Variants in PDK2 observed in about 807,000 individuals in gnomAD.
PDK2 encodes pyruvate dehydrogenase kinase, isozyme 2.
A neutral mutation model predicts 50.4 loss-of-function variants in PDK2; 34 were observed. The observed-to-expected ratio is 0.68, with a 90% CI of 0.51 to 0.90. The LOEUF (loss-of-function observed/expected upper bound fraction) is 0.90, where lower values mean the gene tolerates loss of function less well. PDK2 is among the 40% of genes least tolerant of loss of function. The probability of loss-of-function intolerance (pLI) is 0.00; values close to 1 mark genes in which losing one functional copy is unlikely to be tolerated. For synonymous variants in PDK2, 232 were observed against 216.0 expected (o/e 1.07, Z -0.65); for missense variants, 377 against 544.5 (o/e 0.69, Z 3.06).
intron 1 of PDK2, chr17:50,096,072 G>T: frequency 1.0e-6 from 1 of 971,298 alleles, no homozygotes; most frequent in Non-Finnish European, 1.2e-6. Flanking sequence ...TGGGGAAGGG[G>T]GCTCTTTCAG....
intron 1 of PDK2, chr17:50,095,870 C>A: frequency 1.1e-6 from 1 of 923,834 alleles, no homozygotes; most frequent in Non-Finnish European, 1.4e-6. Context: ...TATCCAGACG[C>A]GAAAGGGTTA....
At chr17:50,097,369 C>T in intron 1 of PDK2, 54 bp from the exon 2 acceptor site, 1 of 1,594,072 alleles carries the variant, frequency 6.3e-7, no homozygotes, top group South Asian at 1.1e-5. Flanking sequence ...GCCGAGACAT[C>T]CTTTGGCTTT....
intron 2 of PDK2, among the ~76,000 whole-genome samples, chr17:50,103,297 G>A (rs1030400902): frequency 3.3e-5 from 5 of 152,128 alleles, no homozygotes; most frequent in Non-Finnish European, 5.9e-5. Flanking sequence ...TGAGCTCTGG[G>A]CCTGAGACAG....
rs757987478 is a variant in PDK2, at chr17:50,108,702, A to G, written c.952A>G (p.Thr318Ala). ...CACAGCACCCACCCCCCAGCCTGGCACCGGGGGAACGCCGCTGGTGAGATG... is the reference window on the plus strand; with the variant it reads ...CACAGCACCCACCCCCCAGCCTGGCGCCGGGGGAACGCCGCTGGTGAGATG... ...YSTAPTPQPGTGGTPLAGFGY... is the reference protein window; with the variant it reads ...YSTAPTPQPGAGGTPLAGFGY... Residue 318 changes from threonine to alanine, a missense_variant, in exon 9 of 11, where the codon ACC (threonine) becomes GCC (alanine). Coordinates refer to ENST00000503176, the MANE Select transcript of PDK2 (RefSeq NM_002611.5). 73 of 1,610,492 alleles carry G rather than the reference A, an allele frequency of 4.5e-5. No individual in the cohort carries two copies. The South Asian group carries it at 7.6e-4, about 17-fold the overall frequency.
At chr17:50,104,543 A>T (rs893942047) in intron 2 of PDK2, 6 of 152,086 alleles carry the variant, frequency 3.9e-5, no homozygotes, top group African/African-American at 1.4e-4. Flanking sequence ...GAGCCACCAC[A>T]CCTGGCTAAG....
intron 2 of PDK2, chr17:50,098,813 G>A (rs1310192694): frequency 2.0e-5 from 3 of 152,268 alleles, no homozygotes; most frequent in Non-Finnish European, 2.9e-5. Flanking sequence ...ATGACACGTT[G>A]TGGGGCAGTT....
chr17:50,099,686 G>A (rs906154490), intron 2 of PDK2, among the ~76,000 whole-genome samples: 14 of 152,168 alleles, frequency 9.2e-5, no homozygotes, highest in African/African-American at 2.2e-4. Context: ...CCAGCTACTC[G>A]GGAGGCTGAG....
In PDK2 at chr17:50,110,057, G is replaced by C; in HGVS notation, c.1184G>C (p.Ser395Thr). The C allele has an allele frequency of 6.2e-7, 1 of 1,611,126 alleles. No individual in the cohort carries two copies. The highest frequency in any genetic ancestry group is 8.5e-7 in the Non-Finnish European group (1 of 1,178,790). The change falls in exon 11 of 11, where the codon AGC (serine) becomes ACC (threonine). Residue 395 changes from serine (S) to threonine (T), a missense_variant. By Grantham distance (58) the Ser-to-Thr change is moderately conservative. This residue lies in a region of PDK2 where 214 missense variants were observed against 294.0 expected (regional missense o/e 0.73). Coordinates refer to ENST00000503176, the MANE Select transcript of PDK2 (RefSeq NM_002611.5). ...GAGGCCGGCGACTGGTGTGTGCCCA[G>C]CACGGAGCCCAAGAACACGTCCACG... Reference protein sequence around the residue: ...IQEAGDWCVPSTEPKNTSTYR... With the variant: ...IQEAGDWCVPTTEPKNTSTYR...
At chr17:50,106,663 G>A in intron 4 of PDK2, 131 bp from the exon 5 acceptor site, 1 of 738,104 alleles carries the variant, frequency 1.4e-6, no homozygotes, top group African/African-American at 1.7e-5. Flanking sequence ...CGGGGGAGTG[G>A]GGCAGCTTTA....
Position 50,110,195 on chromosome 17 carries a change from G to T in PDK2, c.*98G>T. ...ATCCTCCTGGGGGAGCAGGGGGTGGGTTCTCCCTGATGACCAGGTTCTGTC... is the reference window on the plus strand; with the variant it reads ...ATCCTCCTGGGGGAGCAGGGGGTGGTTTCTCCCTGATGACCAGGTTCTGTC... On this transcript the variant is annotated 3_prime_UTR_variant, in exon 11 of 11. Transcript: ENST00000503176. 7.5e-7 allele frequency: 1 copy of T among 1,328,868 alleles called. No homozygotes were observed. Among genetic ancestry groups the T allele is most frequent in the South Asian group, 1.5e-5 (1 of 67,468 alleles). 82.3% of individuals were successfully genotyped at this position (1,328,868 alleles called of 1,614,324 possible).
chr17:50,105,216 G>T, intron 2 of PDK2, 155 bp from the exon 3 acceptor site: 1 of 508,120 alleles, frequency 2.0e-6, no homozygotes. Flanking sequence ...ACATACAAAT[G>T]AAATGGATGG....
At position 50,101,296 on chromosome 17, in the gene PDK2, C is replaced by T. The variant is rs927298178; in HGVS notation, c.260+3732C>T. 3.4e-4 allele frequency among the ~76,000 whole-genome samples: 51 copies of T among 152,170 alleles called. No homozygotes were observed. Among genetic ancestry groups the T allele is most frequent in the Non-Finnish European group, 6.9e-4 (47 of 68,032 alleles). ...TCCTTGCATGACCGAGCAGGACCGA[C>T]CACTTACTGCGCATGTACTCGAGGC... On this transcript the variant is annotated intron_variant, in intron 2 of 10. Coordinates refer to ENST00000503176, the MANE Select transcript of PDK2 (RefSeq NM_002611.5). The surrounding 1 kb of genome is among the most constrained non-coding windows in gnomAD (Gnocchi z 4.2).
chr17:50,108,233 G>T lies in PDK2; in HGVS notation c.762+1G>T, dbSNP rs1398222655. The T allele has an allele frequency of 3.1e-6, 5 of 1,599,646 alleles. No homozygotes were observed. In the South Asian group the frequency reaches 4.5e-5, roughly 14 times the overall value. On this transcript the variant is annotated splice_donor_variant, in intron 7 of 10. Transcript: ENST00000503176. LOFTEE classifies it high-confidence loss of function. ...CCACATGCTCTTTGAGCTCTTCAAG[G>T]TGAGGAGGCTGGGAGCCGGTGCTTT...
rs1910843364 is a variant in PDK2 at position 50,111,522 on chromosome 17, G to A, written c.*1425G>A. The A allele has an allele frequency of 1.3e-5, 2 of 152,270 alleles. No homozygotes were observed. The allele number at this position is 152,270 out of a possible 1,614,324, so 9.4% of individuals were successfully genotyped here. A position where few individuals can be genotyped will look rare whatever the true frequency, so the allele number is the denominator to read the frequency against. ...CTCTCCCAGCACAGATAGCAGAGGG[G>A]GGATAAGGGCTGAGTCCCAGGTACA... On this transcript the variant is annotated 3_prime_UTR_variant, in exon 11 of 11. Coordinates refer to ENST00000503176, the MANE Select transcript of PDK2 (RefSeq NM_002611.5).
At position 50,097,544 on chromosome 17, in the gene PDK2, C is replaced by T. The variant is rs9839; in HGVS notation, c.240C>T (p.Ser80=). 0.33 allele frequency: 525,462 copies of T among 1,612,988 alleles called. 89,716 individuals carry two copies. The highest frequency in any genetic ancestry group is 0.51 in the South Asian group (46,294 of 91,064). ...CCGACCGAGTGCTGAGCACACCCTCCGTGCAGCTGGTGCAGAGCTGGTGAG... is the reference window on the plus strand; with the variant it reads ...CCGACCGAGTGCTGAGCACACCCTCTGTGCAGCTGGTGCAGAGCTGGTGAG... The part of the protein sequence containing the change: ...LLPDRVLSTP[S]VQLVQSWYVQ... Residue 80 remains serine (S), a synonymous_variant, in exon 2 of 11, where the codon TCC becomes TCT. Transcript: ENST00000503176.
intron 4 of PDK2, 39 bp from the exon 5 acceptor site, chr17:50,106,755 T>C (rs1216175628): frequency 6.4e-7 from 1 of 1,555,304 alleles, no homozygotes; most frequent in Admixed American, 1.7e-5. Context: ...TGGGACAGAC[T>C]GCAGCCCAGC....
At chr17:50,094,910 G>C (rs1325374234), upstream of PDK2, 1 of 154,848 alleles carries the variant, frequency 6.5e-6, no homozygotes, top group Non-Finnish European at 1.4e-5. Context: ...TAACGATCAT[G>C]ACAGGTGAAA....
At chr17:50,107,682 C>T (rs1248025834) in intron 6 of PDK2, among the ~76,000 whole-genome samples, 2 of 152,138 alleles carry the variant, frequency 1.3e-5, no homozygotes, top group Non-Finnish European at 2.9e-5. Flanking sequence ...AGGGAGATTG[C>T]GGAATGGAGC....
chr17:50,111,274 A>T lies in PDK2; in HGVS notation c.*1177A>T, dbSNP rs1489191924. ...TCCCACCATACTCAGGGCCCAGCAGAGTCCGGCCAACCCAACAACTGGAGC... is the reference window on the plus strand; with the variant it reads ...TCCCACCATACTCAGGGCCCAGCAGTGTCCGGCCAACCCAACAACTGGAGC... On this transcript the variant is annotated 3_prime_UTR_variant, in exon 11 of 11. Coordinates refer to ENST00000503176, the MANE Select transcript of PDK2 (RefSeq NM_002611.5). 1 of 152,310 alleles carries T rather than the reference A, an allele frequency of 6.6e-6. No homozygotes were observed. Among genetic ancestry groups the T allele is most frequent in the Admixed American group, 6.5e-5 (1 of 15,290 alleles). 9.4% of individuals were successfully genotyped at this position (152,310 alleles called of 1,614,324 possible). A position where few individuals can be genotyped will look rare whatever the true frequency, so the allele number is the denominator to read the frequency against.
Sources: gnomAD v4.1 joint callset for allele counts (sites outside exome capture counted in the v4.1 genomes callset) on GRCh38, gnomAD v4.1.1 for gene constraint, gnomAD v4.1.1 regional missense constraint, Gnocchi (gnomAD v3.1) non-coding constraint, MANE v1.5 for transcripts, NCBI Gene and HGNC (gene_info 2026-07-23, HGNC 2026-07-21) for gene names.